The following PICK1 variants were observed in gnomAD, a reference collection of about 807,000 sequenced individuals.
PICK1 encodes protein interacting with PRKCA 1.
PICK1 carries 23 observed loss-of-function variants against 48.9 expected under a neutral mutation model. The ratio of observed to expected loss-of-function variants is 0.47; its 90% CI spans 0.34 to 0.67. The LOEUF (loss-of-function observed/expected upper bound fraction) is 0.67. Ranked by LOEUF, PICK1 falls within the 30% of genes least tolerant of loss-of-function variation. The probability of loss-of-function intolerance (pLI) is 0.01; values close to 1 mark genes in which losing one functional copy is unlikely to be tolerated. For synonymous variants in PICK1, 217 were observed against 228.2 expected (o/e 0.95, Z 0.44); for missense variants, 423 against 557.1 (o/e 0.76, Z 2.42).
At chr22:38,061,672 C>G (rs559146950) in intron 3 of PICK1, among the ~76,000 whole-genome samples, 3 of 152,280 alleles carry the variant, frequency 2.0e-5, no homozygotes, top group Admixed American at 6.5e-5. Context: ...GCACGTGCCA[C>G]CAAACCTGGC....
At position 38,069,141 on chromosome 22, in the gene PICK1, A is replaced by C; in HGVS notation, c.439+19A>C. Reference sequence around the variant, plus strand: ...TGCAATGGTGAGTCCCTTCCCACCCAGCTGGGGCCCCGGGGACTCAAGCCC... The same window carrying C: ...TGCAATGGTGAGTCCCTTCCCACCCCGCTGGGGCCCCGGGGACTCAAGCCC... On this transcript the variant is annotated intron_variant, in intron 6 of 12. Coordinates refer to ENST00000356976, the MANE Select transcript of PICK1 (RefSeq NM_012407.4). The C allele has an allele frequency of 6.3e-7, 1 of 1,581,338 alleles. No individual in the cohort carries two copies. Among genetic ancestry groups the C allele is most frequent in the Non-Finnish European group, 8.6e-7 (1 of 1,160,426 alleles).
At position 38,073,973 on chromosome 22, in the gene PICK1, G is replaced by T. The variant is rs1379973904; in HGVS notation, c.834+150G>T. On this transcript the variant is annotated intron_variant, in intron 11 of 12. Coordinates refer to ENST00000356976, the MANE Select transcript of PICK1 (RefSeq NM_012407.4). The surrounding 1 kb of genome is among the most constrained non-coding windows in gnomAD (Gnocchi z 5.7). ...TAGGGCCATCTTCCCAGTCCCGCTC[G>T]CTGGGCCTCGGGGTGCTGGGCACCC... 1.2e-6 allele frequency: 1 copy of T among 801,478 alleles called. No homozygotes were observed. The allele number at this position is 801,478 out of a possible 1,614,324, so 49.6% of individuals were successfully genotyped here. A position where few individuals can be genotyped will look rare whatever the true frequency, so the allele number is the denominator to read the frequency against.
intron 2 of PICK1, among the ~76,000 whole-genome samples, chr22:38,058,385 A>G (rs1012896128): frequency 1.3e-5 from 2 of 152,150 alleles, no homozygotes; most frequent in African/African-American, 4.8e-5. Context: ...ATCATAAAAC[A>G]CCAGTCAATG....
At chr22:38,072,644 G>T in intron 9 of PICK1, 34 bp downstream of exon 9, 1 of 1,610,604 alleles carries the variant, frequency 6.2e-7, no homozygotes, top group Non-Finnish European at 8.5e-7. Flanking sequence ...TGTCTGGCGT[G>T]TGAGGGTGGG....
intron 3 of PICK1, among the ~76,000 whole-genome samples, chr22:38,061,737 T>C (rs143278005): frequency 1.3e-5 from 2 of 152,272 alleles, no homozygotes; most frequent in African/African-American, 4.8e-5. Flanking sequence ...CCCAGGCTTG[T>C]CTCAAACTCT....
intron 3 of PICK1, among the ~76,000 whole-genome samples, chr22:38,059,717 G>A (rs2085353895): frequency 6.6e-6 from 1 of 152,134 alleles, no homozygotes; most frequent in South Asian, 2.1e-4. Flanking sequence ...TTGCGTACTA[G>A]CCAAAATGAA....
At chr22:38,064,024 A>G (rs1281453750) in intron 3 of PICK1, among the ~76,000 whole-genome samples, 1 of 151,996 alleles carries the variant, frequency 6.6e-6, no homozygotes, top group Non-Finnish European at 1.5e-5. Flanking sequence ...TAACTTTTAC[A>G]TTTAGGTCTT....
At position 38,068,739 on chromosome 22, in the gene PICK1, G is replaced by T. The variant is rs73886252; in HGVS notation, c.350-294G>T. 8.6e-3 allele frequency among the ~76,000 whole-genome samples: 1,310 copies of T among 152,312 alleles called. 15 individuals carry two copies. The highest frequency in any genetic ancestry group is 0.026 in the African/African-American group (1,077 of 41,564). ...GAAGAGGCCTCCTTGGCTTCCATTA[G>T]CCTGTGCTGAGCCCGGGCAGCACTG... On this transcript the variant is annotated intron_variant, in intron 5 of 12. Coordinates refer to ENST00000356976, the MANE Select transcript of PICK1 (RefSeq NM_012407.4).
At chr22:38,069,165 C>A in intron 6 of PICK1, 43 bp downstream of exon 6, 1 of 1,438,320 alleles carries the variant, frequency 7.0e-7, no homozygotes, top group Non-Finnish European at 9.6e-7. Flanking sequence ...GGACTCAAGC[C>A]CAGGCTGAGA....
At position 38,074,292 on chromosome 22, in the gene PICK1, C is replaced by A. The variant is rs376194921; in HGVS notation, c.835-15C>A. ...CCGTCCCTGAGCAGGCACTCCTGTC[C>A]CACCCCCGCCCCAGGCCCTAGGCGA... On this transcript the variant is annotated splice_polypyrimidine_tract_variant and intron_variant, in intron 11 of 12. Transcript: ENST00000356976. The surrounding 1 kb of genome is among the most constrained non-coding windows in gnomAD (Gnocchi z 4.5). 40 of 1,605,042 alleles carry A rather than the reference C, an allele frequency of 2.5e-5. No homozygotes were observed. The African/African-American group carries it at 4.7e-4, about 19-fold the overall frequency.
chr22:38,072,698 C>T, intron 9 of PICK1, 88 bp downstream of exon 9: 1 of 1,551,122 alleles, frequency 6.4e-7, no homozygotes. Context: ...TGCTGGAGTC[C>T]TGTGCCTGGG....
Position 38,057,604 on chromosome 22 carries a change from C to G in PICK1, c.-58+17C>G, listed in dbSNP as rs2085301219. The G allele has an allele frequency of 1.6e-6, 1 of 612,048 alleles. No individual in the cohort carries two copies. Among genetic ancestry groups the G allele is most frequent in the African/African-American group, 1.9e-5 (1 of 54,040 alleles). The allele number at this position is 612,048 out of a possible 1,614,324, so 37.9% of individuals were successfully genotyped here. The stretch of plus-strand genomic sequence containing the variant: ...TTGTACCTAGTAAGAATCACCTACC[C>G]AGCCCCCCACCCGGAGACTGTCCCA... On this transcript the variant is annotated intron_variant, in intron 1 of 12. Transcript: ENST00000356976.
intron 3 of PICK1, among the ~76,000 whole-genome samples, chr22:38,061,872 C>T (rs564737471): frequency 2.0e-5 from 3 of 152,328 alleles, no homozygotes; most frequent in Non-Finnish European, 4.4e-5. Context: ...GACTTTGCCT[C>T]GTCTGGTAGA....
In PICK1 at chr22:38,070,863, G is replaced by A. The variant is rs1258537293; in HGVS notation, c.465G>A (p.Glu155=). 1 of 1,614,032 alleles carries A rather than the reference G, an allele frequency of 6.2e-7. No homozygotes were observed. Among genetic ancestry groups the A allele is most frequent in the East Asian group, 2.2e-5 (1 of 44,876 alleles). The change falls in exon 7 of 13, where the codon GAG becomes GAA. Residue 155 remains glutamate (E), a synonymous_variant. Coordinates refer to ENST00000356976, the MANE Select transcript of PICK1 (RefSeq NM_012407.4). ...ATGGGCTTGTCAAGAGGCTAGAGGAGCTGGAGCGGACCGCTGAGCTATACA... is the reference window on the plus strand; with the variant it reads ...ATGGGCTTGTCAAGAGGCTAGAGGAACTGGAGCGGACCGCTGAGCTATACA... ...CNDGLVKRLE[E]LERTAELYKG...
In PICK1 at chr22:38,074,527, G is replaced by GGC. The variant is rs2145886257; in HGVS notation, c.979+77_979+78dup. 6.4e-7 allele frequency: 1 copy of GGC among 1,574,026 alleles called. No homozygotes were observed. The highest frequency in any genetic ancestry group is 2.3e-5 in the East Asian group (1 of 43,042). ...CTGAGGCCCAGAGGGGTACTCTCAGGGCCAGGCCACGGCCCAGATGTAAAG... is the reference window on the plus strand; with the variant it reads ...CTGAGGCCCAGAGGGGTACTCTCAGGGCGCCAGGCCACGGCCCAGATGTAAAG... On this transcript the variant is annotated intron_variant, in intron 12 of 12. Transcript: ENST00000356976. This position sits in a 1 kb window ranked among gnomAD's most constrained non-coding sequence, Gnocchi z 4.5.
Position 38,075,601 on chromosome 22 carries a change from T to G in PICK1, c.*469T>G. 6.2e-6 allele frequency: 1 copy of G among 160,862 alleles called. No individual in the cohort carries two copies. Among genetic ancestry groups the G allele is most frequent in the Admixed American group, 5.9e-5 (1 of 16,858 alleles). 10.0% of individuals were successfully genotyped at this position (160,862 alleles called of 1,614,324 possible). On this transcript the variant is annotated 3_prime_UTR_variant, in exon 13 of 13. Coordinates refer to ENST00000356976, the MANE Select transcript of PICK1 (RefSeq NM_012407.4). ...CGGCCCGTCCAGTCCCCATCACACC[T>G]CGGCGGCCTTTATTTATTCTGTTCC...
intron 9 of PICK1, 151 bp downstream of exon 9, chr22:38,072,761 C>T: frequency 8.2e-7 from 1 of 1,221,184 alleles, no homozygotes; most frequent in Non-Finnish European, 1.2e-6. Context: ...AGTCACTGTG[C>T]CCCCTTGGGC....
intron 8 of PICK1, chr22:38,072,001 T>A: frequency 1.8e-6 from 1 of 554,594 alleles, no homozygotes; most frequent in East Asian, 3.1e-5. Flanking sequence ...CTTGCTTATT[T>A]ATATTTCTGA....
At chr22:38,063,462 G>T (rs1011145531) in intron 3 of PICK1, among the ~76,000 whole-genome samples, 1 of 151,700 alleles carries the variant, frequency 6.6e-6, no homozygotes, top group African/African-American at 2.4e-5. Context: ...TAGGTTGTTT[G>T]GTTTTTGTTG....
Sources: gnomAD v4.1 joint callset for allele counts (sites outside exome capture counted in the v4.1 genomes callset) on GRCh38, gnomAD v4.1.1 for gene constraint, Gnocchi (gnomAD v3.1) non-coding constraint, MANE v1.5 for transcripts, NCBI Gene and HGNC (gene_info 2026-07-23, HGNC 2026-07-21) for gene names.